The following SCAMP1 variants were observed in gnomAD, a reference collection of about 807,000 sequenced individuals.
SCAMP1 encodes secretory carrier-associated membrane protein 1.
A neutral mutation model predicts 41.8 loss-of-function variants in SCAMP1; 15 were observed. The observed-to-expected ratio is 0.36, with a 90% CI of 0.24 to 0.55. The LOEUF (loss-of-function observed/expected upper bound fraction) is 0.55, where lower values mean the gene tolerates loss of function less well. Among genes scored for constraint, SCAMP1 ranks in the 20% least tolerant of loss-of-function variants. The pLI is 0.86. For synonymous variants in SCAMP1, 135 were observed against 136.8 expected (o/e 0.99, Z 0.09); for missense variants, 341 against 412.6 (o/e 0.83, Z 1.50).
At chr5:78,414,346 G>A (rs1392546631) in intron 2 of SCAMP1, among the ~76,000 whole-genome samples, 5 of 151,526 alleles carry the variant, frequency 3.3e-5, no homozygotes, top group African/African-American at 9.7e-5. Context: ...GCAGTGGTGC[G>A]ATCTTAGCTC....
intron 1 of SCAMP1, among the ~76,000 whole-genome samples, chr5:78,367,200 A>G (rs1236484052): frequency 1.3e-5 from 2 of 152,208 alleles, no homozygotes; most frequent in East Asian, 3.8e-4. Flanking sequence ...TCAACTTAAG[A>G]TGCCATCCTT....
At chr5:78,457,565 G>C (rs1162285022) in intron 7 of SCAMP1, among the ~76,000 whole-genome samples, 1 of 152,178 alleles carries the variant, frequency 6.6e-6, no homozygotes, top group African/African-American at 2.4e-5. Flanking sequence ...GCTGCGTGCT[G>C]GGAGAACCAC....
intron 6 of SCAMP1, among the ~76,000 whole-genome samples, chr5:78,439,272 T>G (rs758240064): frequency 1.7e-4 from 26 of 151,458 alleles, no homozygotes; most frequent in African/African-American, 4.9e-4. Flanking sequence ...GTTCGCTGGT[T>G]ATTTTGCCTG....
At chr5:78,392,288 A>G (rs1209971071) in intron 2 of SCAMP1, among the ~76,000 whole-genome samples, 1 of 152,190 alleles carries the variant, frequency 6.6e-6, no homozygotes, top group Non-Finnish European at 1.5e-5. Context: ...GATATTTTAA[A>G]TTTCCGTTTT....
chr5:78,454,011 G>C (rs1422188560), intron 7 of SCAMP1, among the ~76,000 whole-genome samples: 1 of 152,220 alleles, frequency 6.6e-6, no homozygotes, highest in African/African-American at 2.4e-5. Flanking sequence ...AAGAATGCTT[G>C]TGATTTTTGC....
chr5:78,436,549 T>C (rs181828898), intron 6 of SCAMP1, among the ~76,000 whole-genome samples: 82 of 152,386 alleles, frequency 5.4e-4, no homozygotes, highest in Non-Finnish European at 9.3e-4. Context: ...TGTGGTGTTA[T>C]TTCTGAGGCC....
At chr5:78,441,215 C>G (rs1752914436) in intron 6 of SCAMP1, among the ~76,000 whole-genome samples, 1 of 152,202 alleles carries the variant, frequency 6.6e-6, no homozygotes, top group South Asian at 2.1e-4. Flanking sequence ...CACCCACTGT[C>G]CAACCAGTCC....
In SCAMP1 at chr5:78,397,027, G is replaced by GT. The variant is rs1183075270; in HGVS notation, c.135+8121dup. ...TTTTTGCAGCAGTGGAGAGCAGAGAGTTTTTTTTAGGGAAGAGGATGAGAG... is the reference window on the plus strand; with the variant it reads ...TTTTTGCAGCAGTGGAGAGCAGAGAGTTTTTTTTTAGGGAAGAGGATGAGAG... On this transcript the variant is annotated intron_variant, in intron 2 of 8. Coordinates refer to ENST00000621999, the MANE Select transcript of SCAMP1 (RefSeq NM_004866.6). Among the ~76,000 whole-genome samples the GT allele has an allele frequency of 2.6e-5, 4 of 152,082 alleles. No individual in the cohort carries two copies. In the East Asian group the frequency reaches 7.7e-4, roughly 29 times the overall value.
chr5:78,443,865 C>T (rs1561278982), intron 6 of SCAMP1, among the ~76,000 whole-genome samples: 2 of 151,804 alleles, frequency 1.3e-5, no homozygotes, highest in African/African-American at 4.8e-5. Flanking sequence ...TGTATTGCCC[C>T]ACGCTGGTCT....
chr5:78,403,813 A>G (rs973715424), intron 2 of SCAMP1, among the ~76,000 whole-genome samples: 1 of 151,830 alleles, frequency 6.6e-6, no homozygotes, highest in Admixed American at 6.6e-5. Context: ...CAAAAATACA[A>G]AATTAGCTGG....
chr5:78,381,004 TGTG>T (rs975246654), intron 1 of SCAMP1, among the ~76,000 whole-genome samples: 3 of 151,716 alleles, frequency 2.0e-5, no homozygotes, highest in African/African-American at 7.3e-5. Flanking sequence ...AGGTGGAGGT[TGTG>T]GTGAGCTGAG....
At chr5:78,458,429 T>C (rs1181755599) in intron 7 of SCAMP1, among the ~76,000 whole-genome samples, 2 of 152,208 alleles carry the variant, frequency 1.3e-5, no homozygotes, top group Non-Finnish European at 2.9e-5. Context: ...TTATGTCCTC[T>C]TAGTAAAATG....
chr5:78,473,980 G>A (rs1753945549), intron 8 of SCAMP1, among the ~76,000 whole-genome samples: 1 of 151,976 alleles, frequency 6.6e-6, no homozygotes, highest in Non-Finnish European at 1.5e-5. Flanking sequence ...GTATCTCAGG[G>A]GGGCCAACTT....
intron 8 of SCAMP1, among the ~76,000 whole-genome samples, chr5:78,463,072 C>G (rs1000649912): frequency 2.6e-5 from 4 of 152,214 alleles, no homozygotes; most frequent in African/African-American, 9.7e-5. Context: ...TTATCCTTCT[C>G]AAAACCCTAC....
intron 1 of SCAMP1, among the ~76,000 whole-genome samples, chr5:78,364,297 A>T (rs1330075498): frequency 2.0e-5 from 3 of 152,232 alleles, no homozygotes; most frequent in African/African-American, 7.2e-5. Flanking sequence ...AAAAGGAAGA[A>T]ATTAGTAAGT....
intron 1 of SCAMP1, among the ~76,000 whole-genome samples, chr5:78,372,954 C>T (rs1750976485): frequency 6.6e-6 from 1 of 151,614 alleles, no homozygotes; most frequent in Non-Finnish European, 1.5e-5. Context: ...AAAAGGAAAA[C>T]TCCTGGAACT....
chr5:78,364,968 G>A (rs1204467463), intron 1 of SCAMP1, among the ~76,000 whole-genome samples: 3 of 16,894 alleles, frequency 1.8e-4, no homozygotes, highest in East Asian at 3.9e-4. Context: ...CATGGCACAT[G>A]TATACATATG....
intron 2 of SCAMP1, among the ~76,000 whole-genome samples, chr5:78,397,914 A>T (rs1011026765): frequency 3.9e-5 from 6 of 152,256 alleles, no homozygotes; most frequent in African/African-American, 1.2e-4. Flanking sequence ...CTTCACATCC[A>T]TTAGGATATC....
intron 1 of SCAMP1, among the ~76,000 whole-genome samples, chr5:78,371,301 T>C (rs919523612): frequency 6.6e-6 from 1 of 152,198 alleles, no homozygotes; most frequent in African/African-American, 2.4e-5. Context: ...AGCTGTTGAA[T>C]TTAGGTCTAT....
Sources: allele counts gnomAD v4.1 joint callset (sites outside exome capture counted in the v4.1 genomes callset), GRCh38; gene constraint gnomAD v4.1.1; transcripts MANE v1.5; gene names NCBI Gene and HGNC (gene_info 2026-07-23, HGNC 2026-07-21).